Variants in NAV2 observed in about 807,000 individuals in gnomAD.
NAV2 encodes the protein helicase, APC down-regulated 1.
NAV2 carries 54 observed loss-of-function variants against 223.2 expected under a neutral mutation model. The ratio of observed to expected loss-of-function variants is 0.24; its 90% CI spans 0.19 to 0.30. The LOEUF (loss-of-function observed/expected upper bound fraction) is 0.30. NAV2 is among the 10% of genes least tolerant of loss of function. The probability of loss-of-function intolerance (pLI) is 1.00; values close to 1 mark genes in which losing one functional copy is unlikely to be tolerated. For synonymous variants in NAV2, 1,279 were observed against 1,239.3 expected, an observed-to-expected ratio of 1.03 and a Z score of -0.67; for missense variants, 2,806 against 3,147.5, an observed-to-expected ratio of 0.89 and a Z score of 2.60.
At chr11:19,414,572 A>G (rs752620811) in intron 1 of NAV2, among the ~76,000 whole-genome samples, 3 of 152,162 alleles carry the variant, frequency 2.0e-5, no homozygotes, top group Non-Finnish European at 4.4e-5. Flanking sequence ...CAGGACTTGA[A>G]CTCAGCTCTG....
intron 1 of NAV2, among the ~76,000 whole-genome samples, chr11:19,715,113 T>C (rs1008590076): frequency 6.6e-6 from 1 of 152,188 alleles, no homozygotes; most frequent in Admixed American, 6.5e-5. Context: ...GTTCCTAGGC[T>C]TTCTGATGCG....
chr11:19,804,199 A>G (rs1406357176), intron 1 of NAV2, among the ~76,000 whole-genome samples: 2 of 152,200 alleles, frequency 1.3e-5, no homozygotes, highest in East Asian at 1.9e-4. Flanking sequence ...TACTCGTTTT[A>G]TAAGTCTCCA....
At chr11:19,458,596 G>C (rs562657004) in intron 1 of NAV2, among the ~76,000 whole-genome samples, 2 of 152,186 alleles carry the variant, frequency 1.3e-5, no homozygotes, top group Non-Finnish European at 2.9e-5. Context: ...TAGTCCTCAT[G>C]ATGACCACCT....
intron 1 of NAV2, among the ~76,000 whole-genome samples, chr11:19,398,042 G>A (rs745793800): frequency 1.2e-4 from 19 of 152,140 alleles, no homozygotes; most frequent in Admixed American, 7.2e-4. Context: ...GGCTTCCCCC[G>A]CGTATTAGAT....
intron 1 of NAV2, among the ~76,000 whole-genome samples, chr11:19,438,177 C>A (rs1435939191): frequency 6.6e-6 from 1 of 152,202 alleles, no homozygotes. Context: ...TCCCTGTGGC[C>A]TCATCGTTGT....
intron 11 of NAV2, among the ~76,000 whole-genome samples, chr11:20,029,566 T>G (rs2153553952): frequency 6.6e-6 from 1 of 152,322 alleles, no homozygotes; most frequent in Admixed American, 6.5e-5. Flanking sequence ...TATGTTCTTG[T>G]CTGTTATGTC....
At chr11:20,010,790 T>C (rs12805667) in intron 11 of NAV2, among the ~76,000 whole-genome samples, 1,709 of 152,344 alleles carry the variant, frequency 0.011, 18 homozygotes, top group Non-Finnish European at 0.02. Flanking sequence ...AGCTGCTCTT[T>C]AGGTAAATTA....
upstream of NAV2, among the ~76,000 whole-genome samples, chr11:19,345,872 T>G (rs1852978753): frequency 6.6e-6 from 1 of 152,144 alleles, no homozygotes; most frequent in Admixed American, 6.5e-5. This position sits in a 1 kb window ranked among gnomAD's most constrained non-coding sequence, Gnocchi z 5.2. Context: ...CTCTGTGGGT[T>G]CCCCTCTGCG....
At chr11:19,520,415 C>T (rs866288694) in intron 1 of NAV2, among the ~76,000 whole-genome samples, 5 of 152,242 alleles carry the variant, frequency 3.3e-5, no homozygotes, top group African/African-American at 9.6e-5. Context: ...AAATCCGCCC[C>T]GTGGCCTGTG....
chr11:19,933,786 G>C lies in NAV2; in HGVS notation c.1542G>C (p.Leu514=). The change falls in exon 7 of 38, where the codon CTG becomes CTC. Residue 514 remains leucine, a synonymous_variant. Coordinates refer to ENST00000349880, the MANE Select transcript of NAV2 (RefSeq NM_145117.5). The surrounding 1 kb of genome is among the most constrained non-coding windows in gnomAD (Gnocchi z 4.3). ...AGAGAGCCTCTGTGACGGAGAGGCTGGACCTCAAGGAGGAGCCAAAAGAAG... is the reference window on the plus strand; with the variant it reads ...AGAGAGCCTCTGTGACGGAGAGGCTCGACCTCAAGGAGGAGCCAAAAGAAG... ...LAKRASVTER[L]DLKEEPKEDP... 6.2e-7 allele frequency: 1 copy of C among 1,614,160 alleles called. No homozygotes were observed. Among genetic ancestry groups the C allele is most frequent in the Non-Finnish European group, 8.5e-7 (1 of 1,180,030 alleles).
chr11:19,769,173 C>T (rs1208369961), intron 1 of NAV2, among the ~76,000 whole-genome samples: 2 of 152,138 alleles, frequency 1.3e-5, no homozygotes, highest in African/African-American at 4.8e-5. Flanking sequence ...ATCATGAGTT[C>T]TTGATGTTGG....
intron 18 of NAV2, 149 bp from the exon 19 acceptor site, chr11:20,055,620 C>A (rs1179217361): frequency 2.9e-6 from 2 of 691,402 alleles, no homozygotes; most frequent in Non-Finnish European, 4.8e-6. Context: ...AACTCAAATG[C>A]TGATGGGACT....
intron 1 of NAV2, among the ~76,000 whole-genome samples, chr11:19,542,650 T>C (rs928195990): frequency 5.9e-5 from 9 of 152,260 alleles, no homozygotes; most frequent in Non-Finnish European, 1.2e-4. Context: ...GAGGTTTTAA[T>C]TCATCGAAGG....
chr11:19,972,612 G>A (rs1433343216), intron 10 of NAV2, among the ~76,000 whole-genome samples: 1 of 152,164 alleles, frequency 6.6e-6, no homozygotes, highest in Non-Finnish European at 1.5e-5. Context: ...GCGTGTCTGT[G>A]TGAACTACCT....
At position 20,062,708 on chromosome 11, in the gene NAV2, T is replaced by A. The variant is rs1181597746; in HGVS notation, c.4884+349T>A. ...CAGTTTCTTTCTTTCTTTCTTTTTT[T>A]ATTTGAGACGGAGTCTCCCTCTGTT... On this transcript the variant is annotated intron_variant, in intron 20 of 37. Transcript: ENST00000349880. 2.0e-5 allele frequency among the ~76,000 whole-genome samples: 3 copies of A among 152,352 alleles called. No individual in the cohort carries two copies. The East Asian group carries it at 5.8e-4, about 29-fold the overall frequency.
chr11:19,788,718 T>A (rs956151124), intron 1 of NAV2, among the ~76,000 whole-genome samples: 7 of 152,324 alleles, frequency 4.6e-5, no homozygotes, highest in African/African-American at 1.4e-4. Context: ...GCACCATTCT[T>A]CCTCTGGTTC....
chr11:19,993,578 C>T (rs551481207), intron 11 of NAV2, among the ~76,000 whole-genome samples: 38 of 152,136 alleles, frequency 2.5e-4, no homozygotes, highest in Non-Finnish European at 4.4e-4. Flanking sequence ...ATGTTTCCCC[C>T]CTCCCCCCGT....
At chr11:20,054,310 A>G in intron 18 of NAV2, 70 bp downstream of exon 18, 1 of 1,405,334 alleles carries the variant, frequency 7.1e-7, no homozygotes, top group Non-Finnish European at 9.4e-7. Context: ...TATACATAAC[A>G]TATTTTTATT....
At chr11:20,005,082 C>A (rs2052914285) in intron 11 of NAV2, among the ~76,000 whole-genome samples, 1 of 152,088 alleles carries the variant, frequency 6.6e-6, no homozygotes, top group Admixed American at 6.6e-5. Context: ...TCTTCTGATT[C>A]ATTCTCACTG....
Sources: allele counts gnomAD v4.1 joint callset (sites outside exome capture counted in the v4.1 genomes callset), GRCh38; gene constraint gnomAD v4.1.1; non-coding constraint Gnocchi (gnomAD v3.1); transcripts MANE v1.5; gene names NCBI Gene and HGNC (gene_info 2026-07-23, HGNC 2026-07-21).